Variants in GLRX3 observed in about 807,000 individuals in gnomAD.
GLRX3 encodes the protein glutaredoxin 3.
Under a neutral mutation model 49.5 loss-of-function variants are expected in GLRX3, and 22 were observed. The ratio of observed to expected loss-of-function variants is 0.44; its 90% CI spans 0.32 to 0.63. The LOEUF (loss-of-function observed/expected upper bound fraction) is 0.63. Ranked by LOEUF, GLRX3 falls within the 30% of genes least tolerant of loss-of-function variation. The probability of loss-of-function intolerance (pLI) is 0.05; values close to 1 mark genes in which losing one functional copy is unlikely to be tolerated. For missense variants in GLRX3, 385 were observed against 396.3 expected (o/e 0.97, Z 0.24); for synonymous variants, 133 against 140.0 (o/e 0.95, Z 0.35).
chr10:130,151,308 G>A (rs1161126817), intron 2 of GLRX3, among the ~76,000 whole-genome samples: 1 of 152,038 alleles, frequency 6.6e-6, no homozygotes, highest in African/African-American at 2.4e-5. Context: ...AAATTAACAT[G>A]GTTTTATTAG....
In GLRX3 at chr10:130,174,987, G is replaced by T. The variant is rs761392142; in HGVS notation, c.865-10G>T. 3.7e-6 allele frequency: 6 copies of T among 1,600,512 alleles called. No homozygotes were observed. Among genetic ancestry groups the T allele is most frequent in the Non-Finnish European group, 5.1e-6 (6 of 1,167,666 alleles). On this transcript the variant is annotated splice_polypyrimidine_tract_variant and intron_variant, in intron 9 of 10. Coordinates refer to ENST00000331244, the MANE Select transcript of GLRX3 (RefSeq NM_006541.5). ...ATAGGATGGTTTCAGGATTCCTGTT[G>T]TTTCTTTAGGTTCGGCAAGGATTAA... is the stretch of plus-strand genomic sequence containing the variant.
At chr10:130,146,643 G>A (rs191927563) in intron 2 of GLRX3, among the ~76,000 whole-genome samples, 436 of 152,258 alleles carry the variant, frequency 2.9e-3, no homozygotes, top group Non-Finnish European at 4.0e-3. Context: ...AGGAGGGGAG[G>A]TGCACCTTGT....
At chr10:130,144,236 TTCAGTTTCCAC>T (rs1235103315) in intron 1 of GLRX3, among the ~76,000 whole-genome samples, 3 of 151,892 alleles carry the variant, frequency 2.0e-5, no homozygotes, top group African/African-American at 7.3e-5. Context: ...AATACAGAAA[TTCAGTTTCCAC>T]TTTGCCCAGG....
Position 130,169,464 on chromosome 10 carries a change from A to T in GLRX3, c.745A>T (p.Met249Leu). 1 of 1,611,376 alleles carries T rather than the reference A, an allele frequency of 6.2e-7. No homozygotes were observed. The highest frequency in any genetic ancestry group is 8.5e-7 in the Non-Finnish European group (1 of 1,177,450). ...AGTGCTGACAAATAAAGCTTCTGTG[A>T]TGCTCTTTATGAAAGGAAACAAACA... ...LKVLTNKASV[M>L]LFMKGNKQEA... The change falls in exon 7 of 11, where the codon ATG (methionine) becomes TTG (leucine). Residue 249 changes from methionine (M) to leucine (L), a missense_variant. Coordinates refer to ENST00000331244, the MANE Select transcript of GLRX3 (RefSeq NM_006541.5).
At chr10:130,157,392 AGAGAAAGAGG>A (rs1348840268) in intron 2 of GLRX3, among the ~76,000 whole-genome samples, 2 of 147,400 alleles carry the variant, frequency 1.4e-5, no homozygotes, top group Admixed American at 1.4e-4. Context: ...GGAGGGAGAG[AGAGAAAGAGG>A]GAGAAAGACA....
Position 130,136,482 on chromosome 10 carries a change from A to C in GLRX3, c.62A>C (p.Gln21Pro). 1 of 1,266,532 alleles carries C rather than the reference A, an allele frequency of 7.9e-7. No homozygotes were observed. Among genetic ancestry groups the C allele is most frequent in the Non-Finnish European group, 1.0e-6 (1 of 999,792 alleles). 78.5% of individuals were successfully genotyped at this position (1,266,532 alleles called of 1,614,324 possible). ...AAVEEVGSAG[Q>P]FEELLRLKAK... ...GTGGAGGAGGTCGGCTCAGCCGGGCAGTTTGAGGAGCTGCTGCGCCTCAAA... is the reference window on the plus strand; with the variant it reads ...GTGGAGGAGGTCGGCTCAGCCGGGCCGTTTGAGGAGCTGCTGCGCCTCAAA... Residue 21 changes from glutamine to proline, a missense_variant, in exon 1 of 11, where the codon CAG becomes CCG. Gln to Pro is a moderately conservative substitution (Grantham distance 76, BLOSUM62 -1). This residue lies in a region of GLRX3 where 374 missense variants were observed against 358.6 expected (regional missense o/e 1.04). Coordinates refer to ENST00000331244, the MANE Select transcript of GLRX3 (RefSeq NM_006541.5).
chr10:130,151,592 G>C (rs1862378226), intron 2 of GLRX3, among the ~76,000 whole-genome samples: 1 of 151,652 alleles, frequency 6.6e-6, no homozygotes, highest in African/African-American at 2.4e-5. Context: ...TCATTGTTCA[G>C]CTCCCACTTA....
At chr10:130,157,075 T>G (rs12258741) in intron 2 of GLRX3, among the ~76,000 whole-genome samples, 15,204 of 152,206 alleles carry the variant, frequency 0.1, 770 homozygotes, top group Middle Eastern at 0.13. Flanking sequence ...TCTCCTGTGT[T>G]AGTTAGGGTT....
At chr10:130,174,516 G>T (rs1016531) in intron 8 of GLRX3, among the ~76,000 whole-genome samples, 43 of 152,382 alleles carry the variant, frequency 2.8e-4, no homozygotes, top group African/African-American at 1.0e-3. Flanking sequence ...GTCTGTGGCT[G>T]CTTTTATGCT....
intron 1 of GLRX3, among the ~76,000 whole-genome samples, chr10:130,145,006 A>C (rs7091861): frequency 0.37 from 55,884 of 152,086 alleles, 10,400 homozygotes; most frequent in South Asian, 0.42. Context: ...ATATCATTGA[A>C]TTGAAAATTT....
intron 10 of GLRX3, among the ~76,000 whole-genome samples, chr10:130,175,464 G>A (rs1444441494): frequency 6.6e-6 from 1 of 152,172 alleles, no homozygotes; most frequent in Non-Finnish European, 1.5e-5. Flanking sequence ...CCTGTGGCCC[G>A]GTGCTGCCCA....
intron 2 of GLRX3, among the ~76,000 whole-genome samples, chr10:130,156,567 G>A (rs1466205876): frequency 6.6e-6 from 1 of 152,192 alleles, no homozygotes; most frequent in Non-Finnish European, 1.5e-5. Flanking sequence ...AGGATTAAGT[G>A]AGTCTATACG....
chr10:130,163,387 A>G (rs1301620649), intron 4 of GLRX3, among the ~76,000 whole-genome samples: 1 of 152,184 alleles, frequency 6.6e-6, no homozygotes, highest in Non-Finnish European at 1.5e-5. Flanking sequence ...GAGCCACTGC[A>G]CTCCAGTATG....
chr10:130,138,974 G>T (rs7895253), intron 1 of GLRX3, among the ~76,000 whole-genome samples: 32,663 of 147,582 alleles, frequency 0.22, 3,665 homozygotes, highest in Middle Eastern at 0.33. Flanking sequence ...TGATTCTCCT[G>T]CCTCAGCCTT....
intron 2 of GLRX3, among the ~76,000 whole-genome samples, chr10:130,148,460 T>TTTTA (rs1491404379): frequency 1.9e-5 from 2 of 103,524 alleles, no homozygotes; most frequent in African/African-American, 3.4e-5. Context: ...TTTTTTTTTT[T>TTTTA]AATGATGAAA....
intron 2 of GLRX3, among the ~76,000 whole-genome samples, chr10:130,149,100 C>A (rs1478989449): frequency 6.6e-6 from 1 of 151,990 alleles, no homozygotes; most frequent in Non-Finnish European, 1.5e-5. Flanking sequence ...CTTTTGGGTG[C>A]TGTGTTTATA....
chr10:130,168,370 C>G (rs75311828), intron 6 of GLRX3, among the ~76,000 whole-genome samples: 3 of 152,300 alleles, frequency 2.0e-5, no homozygotes, highest in Non-Finnish European at 2.9e-5. Flanking sequence ...GCTAATCCCA[C>G]TCGGTTGGCA....
At chr10:130,161,048 A>G (rs1441221676) in intron 4 of GLRX3, 51 bp downstream of exon 4, 1 of 1,301,778 alleles carries the variant, frequency 7.7e-7, no homozygotes. Flanking sequence ...CTTTCCCAGA[A>G]TGGGGTATGG....
intron 4 of GLRX3, 28 bp from the exon 5 acceptor site, chr10:130,166,479 A>T: frequency 1.9e-6 from 3 of 1,574,290 alleles, no homozygotes; most frequent in Non-Finnish European, 2.6e-6. Flanking sequence ...AGAGAAGTTA[A>T]GTGCTTTATT....
Sources: gnomAD v4.1 joint callset for allele counts (sites outside exome capture counted in the v4.1 genomes callset) on GRCh38, gnomAD v4.1.1 for gene constraint, gnomAD v4.1.1 regional missense constraint, MANE v1.5 for transcripts, NCBI Gene and HGNC (gene_info 2026-07-23, HGNC 2026-07-21) for gene names.